Variants in GSTA4 observed in about 807,000 individuals in gnomAD.
The protein encoded by GSTA4 is glutathione S-transferase A4.
A neutral mutation model predicts 24.4 loss-of-function variants in GSTA4; 15 were observed. That is an observed-to-expected ratio of 0.61 (90% confidence interval 0.41 to 0.95). The LOEUF (loss-of-function observed/expected upper bound fraction) is 0.95, where lower values mean the gene tolerates loss of function less well. GSTA4 is among the 40% of genes least tolerant of loss of function. The pLI, the probability that GSTA4 is intolerant of heterozygous loss-of-function variation, is 0.00. For synonymous variants in GSTA4, 92 were observed against 94.2 expected (o/e 0.98, Z 0.13); for missense variants, 244 against 262.1 (o/e 0.93, Z 0.48).
At chr6:52,981,494 G>A (rs2127383577) in intron 6 of GSTA4, among the ~76,000 whole-genome samples, 1 of 152,324 alleles carries the variant, frequency 6.6e-6, no homozygotes, top group East Asian at 1.9e-4. Context: ...TTGACATTGT[G>A]TAAATGAGTG....
At chr6:52,992,571 G>A (rs540000694) in intron 2 of GSTA4, among the ~76,000 whole-genome samples, 69 of 152,272 alleles carry the variant, frequency 4.5e-4, no homozygotes, top group Non-Finnish European at 7.6e-4. Context: ...ATATGATGAC[G>A]TGAACATACT....
At chr6:52,979,680 A>C (rs1763412750) in intron 6 of GSTA4, among the ~76,000 whole-genome samples, 2 of 101,986 alleles carry the variant, frequency 2.0e-5, no homozygotes, top group South Asian at 7.4e-4. Flanking sequence ...GGTCATTTTA[A>C]ATAGCTACTA....
At position 52,978,130 on chromosome 6, in the gene GSTA4, C is replaced by T. The variant is rs895288234; in HGVS notation, c.*340G>A. 14 of 235,590 alleles carry T rather than the reference C, an allele frequency of 5.9e-5. No homozygotes were observed. The highest frequency in any genetic ancestry group is 1.5e-4 in the East Asian group (1 of 6,732). 14.6% of individuals were successfully genotyped at this position (235,590 alleles called of 1,614,324 possible). ...GAACAGGATAAGGAGAGCAGAAAGA[C>T]GCTCAGGAGAGTAGAAAGACACTCA... On this transcript the variant is annotated 3_prime_UTR_variant, in exon 7 of 7. Transcript: ENST00000370963.
chr6:52,989,696 G>A (rs1187119173), intron 2 of GSTA4, among the ~76,000 whole-genome samples: 1 of 152,104 alleles, frequency 6.6e-6, no homozygotes, highest in Non-Finnish European at 1.5e-5. Context: ...AACAATGCTC[G>A]AAGCCTAGAT....
At chr6:52,982,985 T>C (rs1474542251) in intron 5 of GSTA4, among the ~76,000 whole-genome samples, 2 of 151,898 alleles carry the variant, frequency 1.3e-5, no homozygotes. Context: ...GAATGAGACA[T>C]TGAAGTGGGG....
At chr6:52,989,042 T>C (rs967823447) in intron 2 of GSTA4, among the ~76,000 whole-genome samples, 13 of 152,106 alleles carry the variant, frequency 8.5e-5, no homozygotes, top group African/African-American at 2.9e-4. Flanking sequence ...ATAAAACAGG[T>C]TGCATTAAAG....
At chr6:52,984,405 A>T (rs1763510703) in intron 5 of GSTA4, 59 bp downstream of exon 5, 4 of 1,501,914 alleles carry the variant, frequency 2.7e-6, no homozygotes, top group Non-Finnish European at 3.6e-6. Context: ...TGTTTGTGGC[A>T]GCTTCTTTGT....
chr6:52,982,680 A>G lies in GSTA4; in HGVS notation c.440T>C (p.Phe147Ser). The change falls in exon 6 of 7, where the codon TTT (phenylalanine) becomes TCT (serine). Residue 147 changes from phenylalanine (F) to serine (S), a missense_variant. Transcript: ENST00000370963. ...EKILRGHGQS[F>S]LVGNQLSLAD... is the part of the protein sequence containing the mutation. ...AAGGCTCAGCTGATTACCAACAAGA[A>G]AGCTTTGTCCGTGACCCCTTAAAAT... 6.2e-7 allele frequency: 1 copy of G among 1,612,708 alleles called. No homozygotes were observed. The highest frequency in any genetic ancestry group is 8.5e-7 in the Non-Finnish European group (1 of 1,178,816).
At chr6:52,988,428 C>T (rs1763604123) in intron 2 of GSTA4, among the ~76,000 whole-genome samples, 1 of 152,144 alleles carries the variant, frequency 6.6e-6, no homozygotes, top group Non-Finnish European at 1.5e-5. Flanking sequence ...AACAATCAAA[C>T]TTGGCTCCCC....
chr6:52,978,509 T>C lies in GSTA4; in HGVS notation c.630A>G (p.Glu210=), dbSNP rs1371543138. Residue 210 remains glutamate, a synonymous_variant, in exon 7 of 7, where the codon GAA becomes GAG. Transcript: ENST00000370963. ...PGSKKKPPPD[E]IYVRTVYNIF... ...TGTTGTAGACGGTTCTCACATAAAT[T>C]TCATCAGGGGGAGGCTTCTTCTTGC... The C allele has an allele frequency of 1.9e-6, 3 of 1,613,526 alleles. No homozygotes were observed. The highest frequency in any genetic ancestry group is 1.7e-6 in the Non-Finnish European group (2 of 1,179,658).
chr6:52,994,103 C>A (rs541886589), intron 2 of GSTA4, 54 bp downstream of exon 2: 1 of 1,184,990 alleles, frequency 8.4e-7, no homozygotes, highest in East Asian at 2.3e-5. Flanking sequence ...ATTTTTCTTT[C>A]AAAGGTCTCA....
chr6:52,978,279 C>G lies in GSTA4; in HGVS notation c.*191G>C. On this transcript the variant is annotated 3_prime_UTR_variant, in exon 7 of 7. Transcript: ENST00000370963. ...AAAAAAGTTTTCCAATAAAGATCCC[C>G]TAACAATTATTTACTGGACAAAAAA... 1.7e-6 allele frequency: 1 copy of G among 575,258 alleles called. No individual in the cohort carries two copies. The highest frequency in any genetic ancestry group is 3.0e-6 in the Non-Finnish European group (1 of 338,914). 35.6% of individuals were successfully genotyped at this position (575,258 alleles called of 1,614,324 possible).
chr6:52,984,682 GC>G, intron 4 of GSTA4, 77 bp from the exon 5 acceptor site: 2 of 954,932 alleles, frequency 2.1e-6, no homozygotes, highest in Middle Eastern at 2.6e-4. Flanking sequence ...AATTCAGAGT[GC>G]TTTTTTTTTT....
Position 52,984,620 on chromosome 6 carries a change from G to T in GSTA4, c.273-15C>A. 1 of 1,606,920 alleles carries T rather than the reference G, an allele frequency of 6.2e-7. No individual in the cohort carries two copies. The highest frequency in any genetic ancestry group is 8.5e-7 in the Non-Finnish European group (1 of 1,176,660). On this transcript the variant is annotated splice_polypyrimidine_tract_variant and intron_variant, in intron 4 of 6. Transcript: ENST00000370963. ...ACATGTCAATCCTTAAAACAAAAAA[G>T]CAGTTGTCTCAGTTTCTCCTCTCTT...
intron 4 of GSTA4, 21 bp from the exon 5 acceptor site, chr6:52,984,626 G>A: frequency 6.2e-7 from 1 of 1,602,538 alleles, no homozygotes; most frequent in Non-Finnish European, 8.5e-7. Flanking sequence ...AAAAGCAGTT[G>A]TCTCAGTTTC....
chr6:52,978,501 A>G lies in GSTA4; in HGVS notation c.638T>C (p.Val213Ala). 6.2e-7 allele frequency: 1 copy of G among 1,613,762 alleles called. No individual in the cohort carries two copies. Among genetic ancestry groups the G allele is most frequent in the Non-Finnish European group, 8.5e-7 (1 of 1,179,706 alleles). Residue 213 changes from valine (V) to alanine (A), a missense_variant, in exon 7 of 7, where the codon GTG (valine) becomes GCG (alanine). Transcript: ENST00000370963. ...KKKPPPDEIY[V>A]RTVYNIFRP ...CCTAAAGATGTTGTAGACGGTTCTCACATAAATTTCATCAGGGGGAGGCTT... is the reference window on the plus strand; with the variant it reads ...CCTAAAGATGTTGTAGACGGTTCTCGCATAAATTTCATCAGGGGGAGGCTT...
intron 2 of GSTA4, among the ~76,000 whole-genome samples, chr6:52,988,582 T>C (rs1763606555): frequency 6.6e-6 from 1 of 152,174 alleles, no homozygotes; most frequent in African/African-American, 2.4e-5. Context: ...ATGTGGGACC[T>C]TACGAACATA....
In GSTA4 at chr6:52,987,341, T is replaced by A. The variant is rs755318588; in HGVS notation, c.139+16A>T. On this transcript the variant is annotated intron_variant, in intron 3 of 6. Coordinates refer to ENST00000370963, the MANE Select transcript of GSTA4 (RefSeq NM_001512.4). The stretch of plus-strand genomic sequence containing the variant: ...AAAATCAGTATTAGAGGCAGTTGTT[T>A]CATTTTCATACTCACCATCCTGCAA... The A allele has an allele frequency of 6.5e-7, 1 of 1,530,496 alleles. No individual in the cohort carries two copies. Among genetic ancestry groups the A allele is most frequent in the East Asian group, 2.2e-5 (1 of 44,474 alleles). 94.8% of individuals were successfully genotyped at this position (1,530,496 alleles called of 1,614,324 possible). A position where few individuals can be genotyped will look rare whatever the true frequency, so the allele number is the denominator to read the frequency against.
intron 2 of GSTA4, among the ~76,000 whole-genome samples, chr6:52,990,468 A>G (rs1763642204): frequency 6.6e-6 from 1 of 152,152 alleles, no homozygotes; most frequent in South Asian, 2.1e-4. Flanking sequence ...AGAGAGACCA[A>G]TCTAGCTTCA....
Sources: allele counts gnomAD v4.1 joint callset (sites outside exome capture counted in the v4.1 genomes callset), GRCh38; gene constraint gnomAD v4.1.1; transcripts MANE v1.5; gene names NCBI Gene and HGNC (gene_info 2026-07-23, HGNC 2026-07-21).